The following SLC4A5 variants were observed in gnomAD, a reference collection of about 807,000 sequenced individuals.
SLC4A5 encodes the protein solute carrier family 4 member 5, also known as electrogenic sodium bicarbonate cotransporter 4.
In SLC4A5, 96 loss-of-function variants were observed where a neutral mutation model predicts 120.4. The ratio of observed to expected loss-of-function variants is 0.80; its 90% CI spans 0.68 to 0.94. The LOEUF is 0.94. Among genes scored for constraint, SLC4A5 ranks in the 40% least tolerant of loss-of-function variants. The pLI, the probability that SLC4A5 is intolerant of heterozygous loss-of-function variation, is 0.00. For missense variants in SLC4A5, 1,259 were observed against 1,459.5 expected, an observed-to-expected ratio of 0.86 and a Z score of 2.24; for synonymous variants, 550 against 571.1, an observed-to-expected ratio of 0.96 and a Z score of 0.53.
At chr2:74,248,483 C>T (rs1355261242) in exon 18 of SLC4A5, 1 of 1,614,010 alleles carries the variant, frequency 6.2e-7, no homozygotes, top group East Asian at 2.2e-5. Flanking sequence ...CTCTCCATCA[C>T]TCCCTGGGGG....
At chr2:74,285,574 T>C (rs1226156755) in intron 8 of SLC4A5, among the ~76,000 whole-genome samples, 199 bp downstream of exon 8, 1 of 152,224 alleles carries the variant, frequency 6.6e-6, no homozygotes, top group East Asian at 1.9e-4. Context: ...ACTTGAACTT[T>C]AATTTATTTG....
intron 8 of SLC4A5, among the ~76,000 whole-genome samples, chr2:74,284,665 T>A (rs1671925213): frequency 6.6e-6 from 1 of 152,238 alleles, no homozygotes; most frequent in East Asian, 1.9e-4. Context: ...CCCCTTGGGC[T>A]CTTGGGAGCA....
At position 74,255,740 on chromosome 2, in the gene SLC4A5, A is replaced by G. The variant is rs1171691642; in HGVS notation, c.1025+35T>C. The G allele has an allele frequency of 1.2e-6, 2 of 1,611,076 alleles. No individual in the cohort carries two copies. Among genetic ancestry groups the G allele is most frequent in the Admixed American group, 3.3e-5 (2 of 59,958 alleles). ...GACTGCACTGCTGACTGGCTACCTGAGAGTGGCGTGGGGACAGGTTTCAAT... is the reference window on the plus strand; with the variant it reads ...GACTGCACTGCTGACTGGCTACCTGGGAGTGGCGTGGGGACAGGTTTCAAT... On this transcript the variant is annotated intron_variant, in intron 13 of 30. Transcript: ENST00000394019. The surrounding 1 kb of genome is among the most constrained non-coding windows in gnomAD (Gnocchi z 4.0).
intron 1 of SLC4A5, among the ~76,000 whole-genome samples, chr2:74,343,138 TA>T (rs1334453528): frequency 2.0e-5 from 3 of 152,216 alleles, no homozygotes; most frequent in African/African-American, 7.2e-5. Context: ...TGTCCTTTGC[TA>T]TGTTGGAATA....
At position 74,335,003 on chromosome 2, in the gene SLC4A5, C is replaced by G. The variant is rs1673447956; in HGVS notation, c.-220-826G>C. Among the ~76,000 whole-genome samples, 3 of 152,166 alleles carry G rather than the reference C, an allele frequency of 2.0e-5. No individual in the cohort carries two copies. In the South Asian group the frequency reaches 6.2e-4, roughly 32 times the overall value. Reference sequence around the variant, plus strand: ...TTTTTGCTTCTCCAGGAACCAAGTCCTGTTCTCCCGTCTTGCCTGCTCTCT... The same window carrying G: ...TTTTTGCTTCTCCAGGAACCAAGTCGTGTTCTCCCGTCTTGCCTGCTCTCT... On this transcript the variant is annotated intron_variant, in intron 3 of 30. Coordinates refer to ENST00000394019, the Ensembl canonical transcript of SLC4A5.
chr2:74,248,702 T>C (rs1177474519), intron 17 of SLC4A5, among the ~76,000 whole-genome samples: 1 of 152,190 alleles, frequency 6.6e-6, no homozygotes, highest in African/African-American at 2.4e-5. Context: ...TAGATAAAGG[T>C]ACCATGTGAC....
intron 6 of SLC4A5, among the ~76,000 whole-genome samples, chr2:74,309,986 T>G (rs1006914836): frequency 3.7e-4 from 56 of 152,156 alleles, no homozygotes; most frequent in Admixed American, 4.6e-4. Context: ...TTTACTTAGA[T>G]CTTTGATTTC....
At chr2:74,244,491 T>C (rs1670546731) in intron 19 of SLC4A5, among the ~76,000 whole-genome samples, 1 of 127,514 alleles carries the variant, frequency 7.8e-6, no homozygotes, top group African/African-American at 2.6e-5. Context: ...CTCCTTTCTC[T>C]CTCCCTTCCT....
At chr2:74,265,193 G>C in exon 9 of SLC4A5, 5 of 1,614,236 alleles carry the variant, frequency 3.1e-6, no homozygotes, top group Non-Finnish European at 4.2e-6. Flanking sequence ...GCTGTGCAGG[G>C]ATAGTGTGGA....
In SLC4A5 at chr2:74,220,941, T is replaced by C. The variant is rs559821904; in HGVS notation, c.*33+493A>G. 1.8e-4 allele frequency among the ~76,000 whole-genome samples: 25 copies of C among 142,232 alleles called. 1 individual carries two copies. The highest frequency in any genetic ancestry group is 5.4e-4 in the African/African-American group (20 of 36,882). 93.3% of individuals were successfully genotyped at this position (142,232 alleles called of 152,430 possible). On this transcript the variant is annotated intron_variant, in intron 30 of 30. Coordinates refer to ENST00000394019, the Ensembl canonical transcript of SLC4A5. Reference sequence around the variant, plus strand: ...CTGCAAGCTCTGCCTCCTGGGTTCATGCCATTCCCCTGCCTCAGCCTCCCT... The same window carrying C: ...CTGCAAGCTCTGCCTCCTGGGTTCACGCCATTCCCCTGCCTCAGCCTCCCT...
At position 74,227,921 on chromosome 2, in the gene SLC4A5, G is replaced by A. The variant is rs547883326; in HGVS notation, c.2848-43C>T. 3.2e-5 allele frequency: 48 copies of A among 1,495,074 alleles called. 1 individual carries two copies. In the South Asian group the frequency reaches 5.2e-4, roughly 16 times the overall value. 92.6% of individuals were successfully genotyped at this position (1,495,074 alleles called of 1,614,324 possible). ...CTTTGGATCGGCCTCTGCCTGGGGC[G>A]GCCCTTGGCCACCCTGTTCTGGATG... On this transcript the variant is annotated intron_variant, in intron 25 of 30. Transcript: ENST00000394019.
chr2:74,292,747 A>G (rs1672212748), intron 7 of SLC4A5, among the ~76,000 whole-genome samples: 1 of 152,140 alleles, frequency 6.6e-6, no homozygotes, highest in Non-Finnish European at 1.5e-5. Context: ...AACTCTTAGT[A>G]AAGATCTGGG....
intron 5 of SLC4A5, among the ~76,000 whole-genome samples, chr2:74,316,266 ACAAT>A (rs945217071): frequency 2.7e-5 from 4 of 148,690 alleles, no homozygotes; most frequent in African/African-American, 1.0e-4. Flanking sequence ...GAAAGACACC[ACAAT>A]CAGTCATGTA....
chr2:74,314,762 G>C (rs1672910852), intron 6 of SLC4A5, among the ~76,000 whole-genome samples, 183 bp downstream of exon 6: 2 of 152,174 alleles, frequency 1.3e-5, no homozygotes, highest in South Asian at 2.1e-4. Context: ...TCTCCAGCTT[G>C]ACCATGCAGT....
chr2:74,246,812 T>A (rs904015379), intron 19 of SLC4A5, among the ~76,000 whole-genome samples: 2 of 152,196 alleles, frequency 1.3e-5, no homozygotes, highest in Non-Finnish European at 2.9e-5. Flanking sequence ...TCCTAGGATA[T>A]CCCTGTGCCC....
At chr2:74,247,879 C>T (rs1670665779) in intron 18 of SLC4A5, among the ~76,000 whole-genome samples, 2 of 151,966 alleles carry the variant, frequency 1.3e-5, no homozygotes, top group East Asian at 1.9e-4. Flanking sequence ...TCTCAGTGCT[C>T]ACAGTTGGTA....
chr2:74,262,341 C>T, intron 10 of SLC4A5, 109 bp from the exon 11 acceptor site: 28 of 575,150 alleles, frequency 4.9e-5, no homozygotes, highest in East Asian at 1.6e-4. Flanking sequence ...AGACATGTCT[C>T]TTCCCCTTCT....
At position 74,220,255 on chromosome 2, in the gene SLC4A5, G is replaced by A. The variant is rs565723687; in HGVS notation, c.*33+1179C>T. ...TTTTTCACGGGTGGCTTCTCATGAAGAACAATCACATTGTTGGCATGGGGG... is the reference window on the plus strand; with the variant it reads ...TTTTTCACGGGTGGCTTCTCATGAAAAACAATCACATTGTTGGCATGGGGG... On this transcript the variant is annotated intron_variant, in intron 30 of 30. Transcript: ENST00000394019. Among the ~76,000 whole-genome samples the A allele has an allele frequency of 1.1e-3, 174 of 152,252 alleles. 3 individuals carry two copies. The highest frequency in any genetic ancestry group is 1.3e-4 in the Non-Finnish European group (9 of 68,030).
intron 6 of SLC4A5, among the ~76,000 whole-genome samples, chr2:74,309,775 G>C (rs912823704): frequency 4.6e-5 from 7 of 151,432 alleles, no homozygotes; most frequent in Non-Finnish European, 8.8e-5. Flanking sequence ...CCTGCCTCAG[G>C]GTCCTGAGTA....
Sources: allele counts gnomAD v4.1 joint callset (sites outside exome capture counted in the v4.1 genomes callset), GRCh38; gene constraint gnomAD v4.1.1; non-coding constraint Gnocchi (gnomAD v3.1); transcripts MANE v1.5; gene names NCBI Gene and HGNC (gene_info 2026-07-23, HGNC 2026-07-21).